The following ATP2B2 variants were observed in gnomAD, a reference collection of about 807,000 sequenced individuals.
ATP2B2 encodes the protein ATPase plasma membrane Ca2+ transporting 2, also known as plasma membrane calcium-transporting ATPase 2.
ATP2B2 carries 15 observed loss-of-function variants against 120.0 expected under a neutral mutation model. That is an observed-to-expected ratio of 0.12 (90% CI 0.08 to 0.19). The LOEUF is 0.19. Among genes scored for constraint, ATP2B2 ranks in the 10% least tolerant of loss-of-function variants. ATP2B2 has a pLI of 1.00. For synonymous variants in ATP2B2, 694 were observed against 700.3 expected (o/e 0.99, Z 0.14); for missense variants, 1,045 against 1,719.8 (o/e 0.61, Z 6.94).
chr3:10,470,856 C>T (rs1410729230), intron 1 of ATP2B2, among the ~76,000 whole-genome samples: 1 of 152,152 alleles, frequency 6.6e-6, no homozygotes, highest in Non-Finnish European at 1.5e-5. Context: ...AGTTCCCCCA[C>T]CCCCATGTCT....
At chr3:10,600,684 C>T (rs565681661) in intron 2 of ATP2B2, among the ~76,000 whole-genome samples, 6 of 152,172 alleles carry the variant, frequency 3.9e-5, no homozygotes, top group African/African-American at 1.2e-4. Flanking sequence ...GCCCCTGGCC[C>T]GGCAGTGCTG....
rs781499145 is a variant in ATP2B2, at chr3:10,375,397, C to T, written c.1416+33G>A. On this transcript the variant is annotated intron_variant, in intron 11 of 22. Coordinates refer to ENST00000360273, the MANE Select transcript of ATP2B2 (RefSeq NM_001001331.4). This position sits in a 1 kb window ranked among gnomAD's most constrained non-coding sequence, Gnocchi z 4.2. ...CCCAGGCCCTCAGCTGCAGCTGCAT[C>T]AGCCGGCTGGTCCTGCTCTCCTCCC... 7 of 1,572,112 alleles carry T rather than the reference C, an allele frequency of 4.5e-6. No individual in the cohort carries two copies. The South Asian group carries it at 7.8e-5, about 17-fold the overall frequency.
intron 2 of ATP2B2, among the ~76,000 whole-genome samples, chr3:10,541,718 T>C (rs2067443961): frequency 6.6e-6 from 1 of 152,238 alleles, no homozygotes; most frequent in African/African-American, 2.4e-5. Flanking sequence ...CTGTGGGCGC[T>C]TGAAAACAGC....
At chr3:10,559,880 GGC>G (rs2067864961) in intron 2 of ATP2B2, among the ~76,000 whole-genome samples, 1 of 152,188 alleles carries the variant, frequency 6.6e-6, no homozygotes, top group African/African-American at 2.4e-5. Context: ...AGATGCAGAA[GGC>G]AGTTCAAATG....
intron 1 of ATP2B2, among the ~76,000 whole-genome samples, chr3:10,652,397 T>A (rs1012237810): frequency 1.3e-5 from 2 of 152,194 alleles, no homozygotes; most frequent in African/African-American, 4.8e-5. Context: ...TAAGGCAAGA[T>A]CTTTAAAACA....
intron 6 of ATP2B2, 92 bp from the exon 7 acceptor site, chr3:10,386,604 C>T (rs968476956): frequency 1.3e-5 from 18 of 1,345,602 alleles, no homozygotes; most frequent in Non-Finnish European, 1.7e-5. Flanking sequence ...CACACATGTG[C>T]ATACACACAT....
intron 2 of ATP2B2, among the ~76,000 whole-genome samples, chr3:10,561,226 C>A (rs908136742): frequency 6.6e-6 from 1 of 152,306 alleles, no homozygotes; most frequent in Non-Finnish European, 1.5e-5. Context: ...ACCCTCAGAA[C>A]CTAACACTGC....
intron 2 of ATP2B2, among the ~76,000 whole-genome samples, chr3:10,564,554 C>T (rs1205927188): frequency 6.6e-6 from 1 of 152,212 alleles, no homozygotes; most frequent in Non-Finnish European, 1.5e-5. Flanking sequence ...TCCCCTCTCC[C>T]CTACAGATTC....
In ATP2B2 at chr3:10,328,508, G is replaced by T. The variant is rs909788920; in HGVS notation, c.*306C>A. The T allele has an allele frequency of 7.4e-6, 3 of 404,052 alleles. No individual in the cohort carries two copies. The highest frequency in any genetic ancestry group is 1.3e-5 in the Non-Finnish European group (3 of 223,614). 25.0% of individuals were successfully genotyped at this position (404,052 alleles called of 1,614,324 possible). A position where few individuals can be genotyped will look rare whatever the true frequency, so the allele number is the denominator to read the frequency against. ...CATTCATGCGGGGGACGTGGTGGCT[G>T]GGCGGGTGCATGGCTGGTCCATGTC... On this transcript the variant is annotated 3_prime_UTR_variant, in exon 23 of 23. Coordinates refer to ENST00000360273, the MANE Select transcript of ATP2B2 (RefSeq NM_001001331.4).
intron 5 of ATP2B2, among the ~76,000 whole-genome samples, chr3:10,388,863 T>C (rs759125613): frequency 2.0e-4 from 30 of 152,238 alleles, no homozygotes; most frequent in Non-Finnish European, 5.9e-5. Context: ...AATAAAGTGG[T>C]TATGCAACTG....
At chr3:10,485,710 C>G (rs552488519) in intron 1 of ATP2B2, among the ~76,000 whole-genome samples, 3 of 152,174 alleles carry the variant, frequency 2.0e-5, no homozygotes, top group Admixed American at 6.5e-5. Flanking sequence ...AATCGCAAAG[C>G]CTGGGGTCTG....
chr3:10,418,676 T>G (rs1297142418), intron 2 of ATP2B2, among the ~76,000 whole-genome samples: 1 of 152,188 alleles, frequency 6.6e-6, no homozygotes, highest in East Asian at 1.9e-4. Context: ...ATACACTAAC[T>G]GCCCTCTGAG....
chr3:10,502,854 T>A (rs989775729), intron 1 of ATP2B2, among the ~76,000 whole-genome samples: 1 of 152,156 alleles, frequency 6.6e-6, no homozygotes, highest in Non-Finnish European at 1.5e-5. Context: ...TGCCGAAGGG[T>A]CAAAGAGGGT....
At chr3:10,345,987 TCCCCAGCCCCCACCA>T (rs1482246795) in intron 17 of ATP2B2, 29 bp downstream of exon 17, 3 of 1,562,224 alleles carry the variant, frequency 1.9e-6, no homozygotes, top group Non-Finnish European at 2.6e-6. Flanking sequence ...TAGTCCAATC[TCCCCAGCCCCCACCA>T]CCCCAGGCCC....
intron 2 of ATP2B2, among the ~76,000 whole-genome samples, chr3:10,558,431 C>T (rs2067827265): frequency 6.6e-6 from 1 of 152,122 alleles, no homozygotes; most frequent in Admixed American, 6.5e-5. Flanking sequence ...GCTAGGAAGT[C>T]ACCTAAAGCT....
At chr3:10,339,440 C>A (rs536540762) in intron 21 of ATP2B2, among the ~76,000 whole-genome samples, 3 of 152,366 alleles carry the variant, frequency 2.0e-5, no homozygotes, top group African/African-American at 7.2e-5. Context: ...CCTTGGGAAT[C>A]AGGCCCCTTA....
intron 22 of ATP2B2, among the ~76,000 whole-genome samples, chr3:10,335,022 A>G (rs1270722188): frequency 1.3e-5 from 2 of 152,208 alleles, no homozygotes; most frequent in African/African-American, 4.8e-5. Flanking sequence ...GGAAAGACAG[A>G]CTTGTTCCCT....
intron 1 of ATP2B2, among the ~76,000 whole-genome samples, chr3:10,641,161 T>G (rs915153560): frequency 6.6e-6 from 1 of 152,116 alleles, no homozygotes; most frequent in Admixed American, 6.5e-5. Context: ...ACAGCAGGGG[T>G]GCAGGTAGAA....
At chr3:10,707,289 A>C (rs979490933) in intron 1 of ATP2B2, among the ~76,000 whole-genome samples, 4 of 152,138 alleles carry the variant, frequency 2.6e-5, no homozygotes, top group Non-Finnish European at 5.9e-5. Context: ...GGCTGTGGCC[A>C]GGGGGGCCAG....
Sources: allele counts gnomAD v4.1 joint callset (sites outside exome capture counted in the v4.1 genomes callset), GRCh38; gene constraint gnomAD v4.1.1; non-coding constraint Gnocchi (gnomAD v3.1); transcripts MANE v1.5; gene names NCBI Gene and HGNC (gene_info 2026-07-23, HGNC 2026-07-21).